The following PCDH9 variants were observed in gnomAD, a reference collection of about 807,000 sequenced individuals.
PCDH9 encodes the protein protocadherin 9, also known as protocadherin-9.
Under a neutral mutation model 70.6 loss-of-function variants are expected in PCDH9, and 24 were observed. The observed-to-expected ratio is 0.34, with a 90% confidence interval of 0.25 to 0.48. The LOEUF (loss-of-function observed/expected upper bound fraction) is 0.48, where lower values mean the gene tolerates loss of function less well. Among genes scored for constraint, PCDH9 ranks in the 20% least tolerant of loss-of-function variants. PCDH9 has a pLI of 0.99. For synonymous variants in PCDH9, 562 were observed against 558.5 expected, an observed-to-expected ratio of 1.01 and a Z score of -0.09; for missense variants, 1,281 against 1,503.6, an observed-to-expected ratio of 0.85 and a Z score of 2.45.
chr13:66,708,406 T>TG (rs1330725412), intron 3 of PCDH9, among the ~76,000 whole-genome samples: 1 of 148,612 alleles, frequency 6.7e-6, no homozygotes, highest in African/African-American at 2.6e-5. Context: ...AGATTTAGTT[T>TG]TTTTTTTTTT....
At chr13:66,797,713 G>T (rs78828221) in intron 3 of PCDH9, among the ~76,000 whole-genome samples, 252 of 152,118 alleles carry the variant, frequency 1.7e-3, no homozygotes, top group Non-Finnish European at 2.0e-3. Context: ...TAATATGTTT[G>T]CATTTATAGA....
chr13:66,488,686 G>A (rs1373408577), intron 4 of PCDH9, among the ~76,000 whole-genome samples: 2 of 152,056 alleles, frequency 1.3e-5, no homozygotes, highest in South Asian at 2.1e-4. Context: ...GATATATACA[G>A]GTCCACATAG....
intron 2 of PCDH9, among the ~76,000 whole-genome samples, chr13:66,950,159 G>A (rs1594301489): frequency 6.6e-6 from 1 of 152,050 alleles, no homozygotes. Context: ...AGCAAAATCA[G>A]ATTAGCTACA....
chr13:66,698,997 C>T (rs1395199154), intron 3 of PCDH9, among the ~76,000 whole-genome samples: 1 of 150,058 alleles, frequency 6.7e-6, no homozygotes, highest in Admixed American at 6.7e-5. Flanking sequence ...TCACTGCAAC[C>T]TCCACCTCTC....
intron 3 of PCDH9, among the ~76,000 whole-genome samples, chr13:66,724,429 A>G (rs574483616): frequency 6.6e-6 from 1 of 152,308 alleles, no homozygotes; most frequent in East Asian, 1.9e-4. Flanking sequence ...ATGGATATCA[A>G]TCTTTACATT....
chr13:67,173,334 T>A (rs1023139682), intron 2 of PCDH9, among the ~76,000 whole-genome samples: 2 of 152,216 alleles, frequency 1.3e-5, no homozygotes, highest in African/African-American at 4.8e-5. Context: ...AGGTATTGAA[T>A]CCACCTTCCT....
chr13:67,072,565 G>A (rs1436055119), intron 2 of PCDH9, among the ~76,000 whole-genome samples: 1 of 151,920 alleles, frequency 6.6e-6, no homozygotes, highest in Non-Finnish European at 1.5e-5. Flanking sequence ...TTTTTATAGG[G>A]ATGCCAGCCA....
chr13:67,153,240 T>C (rs1040348841), intron 2 of PCDH9, among the ~76,000 whole-genome samples: 2 of 151,994 alleles, frequency 1.3e-5, no homozygotes, highest in Non-Finnish European at 2.9e-5. Context: ...TGGCTCACTA[T>C]AGCCTCAAAC....
chr13:66,981,269 TC>T (rs555491914), intron 2 of PCDH9, among the ~76,000 whole-genome samples: 232 of 151,978 alleles, frequency 1.5e-3, no homozygotes, highest in African/African-American at 5.2e-3. Flanking sequence ...AAACTCCGTC[TC>T]TACTAAAAAT....
intron 2 of PCDH9, among the ~76,000 whole-genome samples, chr13:67,127,025 T>TTAGTGGGACATAGTGGGACA (rs2086994797): frequency 6.6e-6 from 1 of 152,176 alleles, no homozygotes; most frequent in African/African-American, 2.4e-5. Flanking sequence ...TTACTATGTC[T>TTAGTGGGACATAGTGGGACA]TAGGTGGGAA....
At chr13:66,336,727 T>G (rs192945252) in intron 4 of PCDH9, among the ~76,000 whole-genome samples, 1 of 152,096 alleles carries the variant, frequency 6.6e-6, no homozygotes, top group Non-Finnish European at 1.5e-5. Flanking sequence ...GTTGGTAATC[T>G]GTGGCTCTTT....
At chr13:66,484,909 C>A (rs1217074758) in intron 4 of PCDH9, among the ~76,000 whole-genome samples, 2 of 152,152 alleles carry the variant, frequency 1.3e-5, no homozygotes, top group African/African-American at 4.8e-5. Flanking sequence ...GCAAACTCTG[C>A]AAATATTTGT....
rs142550009 is a variant in PCDH9, at chr13:66,737,173, G to A, written c.3139-105762C>T. ...AAATAATAATTGTTTTAGAAAGGTTGCACTAAGTTAAAACATGTATTTGTT... is the reference window on the plus strand; with the variant it reads ...AAATAATAATTGTTTTAGAAAGGTTACACTAAGTTAAAACATGTATTTGTT... On this transcript the variant is annotated intron_variant, in intron 3 of 4. Coordinates refer to ENST00000377865, the MANE Select transcript of PCDH9 (RefSeq NM_203487.3). Among the ~76,000 whole-genome samples, 20 of 144,694 alleles carry A rather than the reference G, an allele frequency of 1.4e-4. No homozygotes were observed. In the East Asian group the frequency reaches 4.2e-3, roughly 31 times the overall value. The allele number at this position is 144,694 out of a possible 152,430, so 94.9% of individuals were successfully genotyped here. A position where few individuals can be genotyped will look rare whatever the true frequency, so the allele number is the denominator to read the frequency against.
intron 2 of PCDH9, among the ~76,000 whole-genome samples, chr13:67,183,735 T>G (rs1373410711): frequency 6.6e-6 from 1 of 152,122 alleles, no homozygotes; most frequent in African/African-American, 2.4e-5. Context: ...TTTAAGAAAA[T>G]TTGGAAAAAC....
chr13:66,695,645 A>G (rs1419105385), intron 3 of PCDH9, among the ~76,000 whole-genome samples: 1 of 152,166 alleles, frequency 6.6e-6, no homozygotes, highest in Non-Finnish European at 1.5e-5. Flanking sequence ...AATAACCAAT[A>G]TAGCTTCTCT....
intron 4 of PCDH9, among the ~76,000 whole-genome samples, chr13:66,605,260 T>G (rs977667731): frequency 2.0e-5 from 3 of 152,092 alleles, no homozygotes; most frequent in African/African-American, 7.2e-5. Flanking sequence ...ACCCAAGTGT[T>G]GCAGTTCTAT....
At chr13:66,427,497 G>C (rs1957691607) in intron 4 of PCDH9, among the ~76,000 whole-genome samples, 2 of 151,688 alleles carry the variant, frequency 1.3e-5, no homozygotes, top group Admixed American at 1.3e-4. Context: ...TTTTGTGTTA[G>C]TTCAAGATAT....
Position 66,596,626 on chromosome 13 carries a change from G to A in PCDH9, c.3340+34584C>T, listed in dbSNP as rs534822432. ...AAATGGATGCATCAAATACGAGAAC[G>A]TGACAAGAAAGTTCTCTATCACTGG... On this transcript the variant is annotated intron_variant, in intron 4 of 4. Transcript: ENST00000377865. Among the ~76,000 whole-genome samples the A allele has an allele frequency of 9.9e-5, 15 of 151,622 alleles. No individual in the cohort carries two copies. The East Asian group carries it at 2.5e-3, about 26-fold the overall frequency.
intron 3 of PCDH9, among the ~76,000 whole-genome samples, chr13:66,742,788 T>A (rs1445130022): frequency 5.4e-5 from 8 of 148,660 alleles, no homozygotes; most frequent in African/African-American, 1.2e-4. Context: ...TCAAAACCAC[T>A]ATGAGATATC....
Sources: allele counts gnomAD v4.1 joint callset (sites outside exome capture counted in the v4.1 genomes callset), GRCh38; gene constraint gnomAD v4.1.1; transcripts MANE v1.5; gene names NCBI Gene and HGNC (gene_info 2026-07-23, HGNC 2026-07-21).